The following FHIP1A variants were observed in gnomAD, a reference collection of about 807,000 sequenced individuals.
FHIP1A encodes the protein FHF complex subunit HOOK-interacting protein 1A.
FHIP1A carries 61 observed loss-of-function variants against 88.6 expected under a neutral mutation model. That is an observed-to-expected ratio of 0.69 (90% CI 0.56 to 0.85). The LOEUF (loss-of-function observed/expected upper bound fraction) is 0.85. Among genes scored for constraint, FHIP1A ranks in the 40% least tolerant of loss-of-function variants. The pLI is 0.00. For missense variants in FHIP1A, 1,154 were observed against 1,273.5 expected (o/e 0.91, Z 1.43); for synonymous variants, 478 against 496.0 (o/e 0.96, Z 0.48).
chr4:151,655,828 C>T (rs372712788), intron 11 of FHIP1A, among the ~76,000 whole-genome samples: 2 of 152,098 alleles, frequency 1.3e-5, no homozygotes, highest in Non-Finnish European at 2.9e-5. Context: ...GAAACCCTAC[C>T]GTCCATACAG....
intron 3 of FHIP1A, among the ~76,000 whole-genome samples, chr4:151,530,971 C>T (rs1394557118): frequency 6.6e-6 from 1 of 152,034 alleles, no homozygotes; most frequent in African/African-American, 2.4e-5. Flanking sequence ...TTCTTATTCC[C>T]AAAGTGGGGA....
intron 1 of FHIP1A, among the ~76,000 whole-genome samples, chr4:151,412,580 T>C (rs1267521042): frequency 0.086 from 9,680 of 112,260 alleles, 509 homozygotes; most frequent in Non-Finnish European, 0.1. Flanking sequence ...CTTTCTTTCC[T>C]TTCTTTCCTT....
intron 7 of FHIP1A, among the ~76,000 whole-genome samples, chr4:151,600,914 A>G (rs1734844850): frequency 1.3e-5 from 2 of 152,194 alleles, no homozygotes; most frequent in Non-Finnish European, 2.9e-5. Flanking sequence ...CCCTTATGCC[A>G]TATTTCATTG....
Position 151,463,758 on chromosome 4 carries a change from C to T in FHIP1A, c.-248+8950C>T, listed in dbSNP as rs141334205. Among the ~76,000 whole-genome samples, 42 of 152,306 alleles carry T rather than the reference C, an allele frequency of 2.8e-4. No individual in the cohort carries two copies. The East Asian group carries it at 7.9e-3, about 29-fold the overall frequency. ...AATACCGAGCATGTGGCATTTTGTT[C>T]TGTGTCTCACAGTATCACCATGACA... On this transcript the variant is annotated intron_variant, in intron 2 of 13. Coordinates refer to ENST00000435205, the MANE Select transcript of FHIP1A (RefSeq NM_001109977.3).
chr4:151,455,380 C>T (rs993860457), intron 2 of FHIP1A, among the ~76,000 whole-genome samples: 1 of 152,172 alleles, frequency 6.6e-6, no homozygotes, highest in African/African-American at 2.4e-5. Flanking sequence ...ATAACCACTG[C>T]TGTCATTAAA....
intron 3 of FHIP1A, among the ~76,000 whole-genome samples, chr4:151,514,845 AT>A (rs1008031920): frequency 7.2e-5 from 11 of 152,172 alleles, no homozygotes; most frequent in Non-Finnish European, 5.9e-5. Context: ...CCAGGACCAG[AT>A]GGATTCACAG....
intron 7 of FHIP1A, among the ~76,000 whole-genome samples, chr4:151,617,693 C>T (rs1039648663): frequency 1.3e-5 from 2 of 152,198 alleles, no homozygotes. Context: ...CAAGACCAGC[C>T]TGGCTGACAT....
chr4:151,517,751 C>A (rs1036974375), intron 3 of FHIP1A, among the ~76,000 whole-genome samples: 4 of 151,762 alleles, frequency 2.6e-5, no homozygotes, highest in Non-Finnish European at 5.9e-5. Context: ...CCTAGGCTAA[C>A]GTGTGTGTTT....
intron 7 of FHIP1A, among the ~76,000 whole-genome samples, chr4:151,622,493 C>T (rs1735785024): frequency 6.6e-6 from 1 of 152,086 alleles, no homozygotes; most frequent in Non-Finnish European, 1.5e-5. Flanking sequence ...CCTGTCTCTC[C>T]AGCCTTCTGG....
intron 3 of FHIP1A, among the ~76,000 whole-genome samples, chr4:151,529,055 C>T (rs749476041): frequency 5.3e-5 from 8 of 152,106 alleles, no homozygotes; most frequent in African/African-American, 1.4e-4. Context: ...TTCTCCCTCC[C>T]GGTCTTTTCA....
At position 151,412,355 on chromosome 4, in the gene FHIP1A, C is replaced by T. The variant is rs532238780; in HGVS notation, c.-356+2890C>T. 3.3e-5 allele frequency among the ~76,000 whole-genome samples: 5 copies of T among 152,242 alleles called. No homozygotes were observed. The East Asian group carries it at 9.7e-4, about 29-fold the overall frequency. Reference sequence around the variant, plus strand: ...TCCTGACCTCAGGTGACCCACCCACCTCGGCCTCCCAAAGTGCTGGGATTA... The same window carrying T: ...TCCTGACCTCAGGTGACCCACCCACTTCGGCCTCCCAAAGTGCTGGGATTA... On this transcript the variant is annotated intron_variant, in intron 1 of 13. Transcript: ENST00000435205.
At chr4:151,541,203 C>G (rs553533466) in intron 3 of FHIP1A, among the ~76,000 whole-genome samples, 3 of 152,210 alleles carry the variant, frequency 2.0e-5, no homozygotes, top group African/African-American at 7.2e-5. Context: ...GGTAAGTACC[C>G]AGGAATATTT....
chr4:151,580,624 G>GC (rs2126795705), intron 5 of FHIP1A, among the ~76,000 whole-genome samples: 1 of 152,242 alleles, frequency 6.6e-6, no homozygotes, highest in South Asian at 2.1e-4. Context: ...TAGATATCTG[G>GC]CTTGGAGAAA....
chr4:151,597,812 T>C (rs1223008526), intron 7 of FHIP1A, among the ~76,000 whole-genome samples: 1 of 152,112 alleles, frequency 6.6e-6, no homozygotes, highest in African/African-American at 2.4e-5. Context: ...AACTTCCAGG[T>C]GACTTTGTTT....
chr4:151,491,695 G>A (rs1402708297), intron 3 of FHIP1A, among the ~76,000 whole-genome samples: 3 of 152,046 alleles, frequency 2.0e-5, no homozygotes, highest in East Asian at 3.9e-4. Context: ...AAAAAATACA[G>A]AATGGCAGAA....
At position 151,649,607 on chromosome 4, in the gene FHIP1A, C is replaced by T. The variant is rs929936231; in HGVS notation, c.1566C>T (p.Ser522=). ...GCATGAGGGACTGCCGTGTCTGGTCCGCCCTGTATGATGGCGACTCCCCCG... is the reference window on the plus strand; with the variant it reads ...GCATGAGGGACTGCCGTGTCTGGTCTGCCCTGTATGATGGCGACTCCCCCG... ...LRCMRDCRVW[S]ALYDGDSPDP... The change falls in exon 11 of 14, where the codon TCC becomes TCT. Residue 522 remains serine, a synonymous_variant. Coordinates refer to ENST00000435205, the MANE Select transcript of FHIP1A (RefSeq NM_001109977.3). The T allele has an allele frequency of 1.9e-5, 29 of 1,551,580 alleles. No homozygotes were observed. The highest frequency in any genetic ancestry group is 8.2e-5 in the African/African-American group (6 of 73,050).
At chr4:151,472,217 G>A (rs929208561) in intron 2 of FHIP1A, among the ~76,000 whole-genome samples, 1 of 152,110 alleles carries the variant, frequency 6.6e-6, no homozygotes, top group African/African-American at 2.4e-5. Flanking sequence ...GGTGACCTAT[G>A]ATCTGATTTC....
intron 1 of FHIP1A, among the ~76,000 whole-genome samples, 196 bp from the exon 2 acceptor site, chr4:151,454,505 T>G (rs1728903458): frequency 6.6e-6 from 1 of 152,156 alleles, no homozygotes; most frequent in Non-Finnish European, 1.5e-5. Flanking sequence ...AATGTAAAAT[T>G]TTTATATTCC....
At chr4:151,494,431 C>T (rs189720219) in intron 3 of FHIP1A, among the ~76,000 whole-genome samples, 3 of 152,218 alleles carry the variant, frequency 2.0e-5, no homozygotes, top group Non-Finnish European at 2.9e-5. Context: ...AATAGGGAGT[C>T]CTTTCCCCAT....
Sources: gnomAD v4.1 joint callset for allele counts (sites outside exome capture counted in the v4.1 genomes callset) on GRCh38, gnomAD v4.1.1 for gene constraint, MANE v1.5 for transcripts, NCBI Gene and HGNC (gene_info 2026-07-23, HGNC 2026-07-21) for gene names.